The following BTBD16 variants were observed in gnomAD, a reference collection of about 807,000 sequenced individuals.
The protein encoded by BTBD16 is BTB/POZ domain-containing protein 16.
Under a neutral mutation model 67.4 loss-of-function variants are expected in BTBD16, and 66 were observed. The ratio of observed to expected loss-of-function variants is 0.98; its 90% CI spans 0.80 to 1.20. BTBD16 has a LOEUF of 1.20. Among genes scored for constraint, BTBD16 ranks in the 50% most tolerant of loss-of-function variants. BTBD16 has a pLI of 0.00. For missense variants in BTBD16, 634 were observed against 616.0 expected (o/e 1.03, Z -0.31); for synonymous variants, 242 against 236.4 (o/e 1.02, Z -0.22).
intron 6 of BTBD16, 97 bp downstream of exon 6, chr10:122,290,095 A>G (rs1296805984): frequency 3.0e-5 from 24 of 790,418 alleles, no homozygotes; most frequent in Non-Finnish European, 5.0e-5. Context: ...AAACAAACCA[A>G]CAGTAGACAG....
At chr10:122,295,603 G>A (rs971644876) in intron 7 of BTBD16, among the ~76,000 whole-genome samples, 2 of 152,130 alleles carry the variant, frequency 1.3e-5, no homozygotes, top group Non-Finnish European at 2.9e-5. Flanking sequence ...AGGCTCAGCC[G>A]AGAGACCAGG....
At chr10:122,300,354 T>C (rs2096391688) in intron 9 of BTBD16, among the ~76,000 whole-genome samples, 1 of 152,014 alleles carries the variant, frequency 6.6e-6, no homozygotes, top group South Asian at 2.1e-4. Context: ...CAAAGAATAT[T>C]TGCATAGAAT....
In BTBD16 at chr10:122,336,546, A is replaced by T. The variant is rs1048347; in HGVS notation, c.1316A>T (p.His439Leu). The stretch of plus-strand genomic sequence containing the variant: ...CCCTCTGCGGTCTACGAGCACAACC[A>T]CGTCAGCCTGCGAGCGGCACGCCTG... ...ESPSAVYEHN[H>L]VSLRAARLVK... Residue 439 changes from histidine to leucine, a missense_variant, in exon 15 of 16, where the codon CAC (histidine) becomes CTC (leucine). Coordinates refer to ENST00000260723, the MANE Select transcript of BTBD16 (RefSeq NM_144587.5). The T allele has an allele frequency of 1.9e-6, 3 of 1,611,434 alleles. No homozygotes were observed. Among genetic ancestry groups the T allele is most frequent in the Non-Finnish European group, 2.5e-6 (3 of 1,179,102 alleles).
chr10:122,334,342 C>T (rs1408821901), intron 13 of BTBD16, among the ~76,000 whole-genome samples: 1 of 145,260 alleles, frequency 6.9e-6, no homozygotes, highest in African/African-American at 2.5e-5. Flanking sequence ...ACTACAGGCG[C>T]CCGCCACCAC....
At chr10:122,325,729 G>A (rs761462912) in intron 10 of BTBD16, among the ~76,000 whole-genome samples, 6 of 151,518 alleles carry the variant, frequency 4.0e-5, no homozygotes, top group African/African-American at 1.5e-4. Context: ...AGGCTGGAGT[G>A]CAGTAGCATG....
At chr10:122,281,625 A>G (rs2096353381) in intron 3 of BTBD16, among the ~76,000 whole-genome samples, 1 of 152,174 alleles carries the variant, frequency 6.6e-6, no homozygotes, top group Admixed American at 6.5e-5. Context: ...CACAGAGACA[A>G]TGAAAGAGAG....
chr10:122,332,457 G>A lies in BTBD16; in HGVS notation c.1108G>A (p.Val370Ile), dbSNP rs1298308905. ...TCAGCTGGAGAATGGGGGCGACATG[G>A]TCCACCTGAAAGATCTTAACACCCA... ...YHALENGGDM[V>I]HLKDLNTQAV... is the part of the protein sequence containing the mutation. Residue 370 changes from valine to isoleucine, a missense_variant, in exon 13 of 16, where the codon GTC (valine) becomes ATC (isoleucine). By Grantham distance (29) the Val-to-Ile change is conservative. Coordinates refer to ENST00000260723, the MANE Select transcript of BTBD16 (RefSeq NM_144587.5). 1 of 1,613,938 alleles carries A rather than the reference G, an allele frequency of 6.2e-7. No homozygotes were observed. Among genetic ancestry groups the A allele is most frequent in the Admixed American group, 1.7e-5 (1 of 59,990 alleles).
intron 10 of BTBD16, among the ~76,000 whole-genome samples, chr10:122,312,297 CTTTTTCTTTTTCTTTTTTTTTT>C (rs1303756883): frequency 2.3e-5 from 3 of 131,800 alleles, no homozygotes; most frequent in African/African-American, 8.5e-5. Flanking sequence ...TTTCACTTTT[CTTTTTCTTTTTCTTTTTTTTTT>C]TTTTTTTTTT....
rs770737505 is a variant in BTBD16 at position 122,338,072 on chromosome 10, T to C, written c.1508T>C (p.Phe503Ser). Residue 503 changes from phenylalanine (F) to serine (S), a missense_variant, in exon 16 of 16, where the codon TTC becomes TCC. By Grantham distance (155) the Phe-to-Ser change is radical (BLOSUM62 -2). Coordinates refer to ENST00000260723, the MANE Select transcript of BTBD16 (RefSeq NM_144587.5). ...IPIYVSFAFI[F>S]PAS ...ATCTATGTAAGTTTTGCATTCATCT[T>C]CCCAGCATCTTGACAGTTTCCAGAA... The C allele has an allele frequency of 6.9e-6, 11 of 1,605,746 alleles. No homozygotes were observed. The highest frequency in any genetic ancestry group is 9.4e-6 in the Non-Finnish European group (11 of 1,172,354).
intron 4 of BTBD16, among the ~76,000 whole-genome samples, chr10:122,285,285 C>T (rs1171022751): frequency 6.6e-6 from 1 of 152,184 alleles, no homozygotes; most frequent in Non-Finnish European, 1.5e-5. Context: ...TGAGCCTCAC[C>T]TGGCCTGGCA....
chr10:122,308,356 C>T (rs1031957121), intron 10 of BTBD16, among the ~76,000 whole-genome samples: 1 of 152,174 alleles, frequency 6.6e-6, no homozygotes, highest in Non-Finnish European at 1.5e-5. Context: ...GGGTGTTTCT[C>T]ACCACCACAG....
intron 10 of BTBD16, among the ~76,000 whole-genome samples, chr10:122,317,633 C>T (rs556791223): frequency 5.7e-4 from 86 of 151,228 alleles, no homozygotes; most frequent in Non-Finnish European, 9.6e-4. Flanking sequence ...GGTGACAGAG[C>T]GAGACTCTGT....
intron 1 of BTBD16, among the ~76,000 whole-genome samples, chr10:122,274,309 G>A (rs2096335603): frequency 6.6e-6 from 1 of 152,188 alleles, no homozygotes; most frequent in Non-Finnish European, 1.5e-5. Flanking sequence ...AAAGAACCCT[G>A]CATAGATGGA....
At chr10:122,302,701 T>A (rs955691218) in intron 9 of BTBD16, among the ~76,000 whole-genome samples, 2 of 152,226 alleles carry the variant, frequency 1.3e-5, no homozygotes, top group Admixed American at 6.5e-5. Flanking sequence ...AATGCTTTTT[T>A]AGCTAACACT....
chr10:122,337,087 G>A (rs1296041481), intron 15 of BTBD16, among the ~76,000 whole-genome samples: 1 of 152,168 alleles, frequency 6.6e-6, no homozygotes, highest in South Asian at 2.1e-4. Context: ...ACTGGGGAAG[G>A]GCTGGGCCCA....
At chr10:122,337,932 T>C (rs1306266047) in intron 15 of BTBD16, 85 bp from the exon 16 acceptor site, 2 of 1,133,288 alleles carry the variant, frequency 1.8e-6, no homozygotes, top group African/African-American at 1.5e-5. Flanking sequence ...TTTCTACAAC[T>C]GTTAGTCCTT....
At position 122,276,937 on chromosome 10, in the gene BTBD16, C is replaced by T. The variant is rs754150998; in HGVS notation, c.165C>T (p.Asp55=). Residue 55 remains aspartate (D), a splice_region_variant and synonymous_variant, in exon 3 of 16, where the codon GAC becomes GAT. Transcript: ENST00000260723. The stretch of plus-strand genomic sequence containing the variant: ...TTGAGGAAGCTTTGAGGAACCCAGA[C>T]AGGTATGGAGACTCAAAGGTTTGTG... ...IDFEEALRNP[D]RLCISQIQKF... The T allele has an allele frequency of 1.9e-6, 3 of 1,613,724 alleles. No individual in the cohort carries two copies. In the African/African-American group the frequency reaches 4.0e-5, roughly 22 times the overall value.
intron 10 of BTBD16, among the ~76,000 whole-genome samples, chr10:122,314,659 ATTGT>A (rs1372137227): frequency 6.6e-6 from 1 of 152,142 alleles, no homozygotes; most frequent in East Asian, 1.9e-4. Flanking sequence ...TTATATTCTA[ATTGT>A]TTGGTGCTGA....
At chr10:122,276,741 A>T (rs754917269) in intron 2 of BTBD16, 50 bp from the exon 3 acceptor site, 8 of 1,593,146 alleles carry the variant, frequency 5.0e-6, no homozygotes, top group Non-Finnish European at 6.9e-6. Flanking sequence ...TCTGGCATTT[A>T]TGTGAAGTTA....
Sources: allele counts gnomAD v4.1 joint callset (sites outside exome capture counted in the v4.1 genomes callset), GRCh38; gene constraint gnomAD v4.1.1; transcripts MANE v1.5; gene names NCBI Gene and HGNC (gene_info 2026-07-23, HGNC 2026-07-21).